PPFIA2: variants seen among roughly 807,000 people sequenced by gnomAD.
PPFIA2 encodes the protein liprin-alpha-2.
A neutral mutation model predicts 175.5 loss-of-function variants in PPFIA2; 46 were observed. The ratio of observed to expected loss-of-function variants is 0.26; its 90% CI spans 0.21 to 0.34. The LOEUF is 0.34. PPFIA2 is among the 10% of genes least tolerant of loss of function. The pLI, the probability that PPFIA2 is intolerant of heterozygous loss-of-function variation, is 1.00. For missense variants in PPFIA2, 1,179 were observed against 1,506.1 expected, an observed-to-expected ratio of 0.78 and a Z score of 3.60; for synonymous variants, 568 against 511.4, an observed-to-expected ratio of 1.11 and a Z score of -1.49.
intron 4 of PPFIA2, among the ~76,000 whole-genome samples, chr12:81,496,867 T>C (rs988799949): frequency 6.6e-6 from 1 of 152,126 alleles, no homozygotes; most frequent in African/African-American, 2.4e-5. Context: ...TAAAAATAAA[T>C]CTGAGAAGTT....
intron 32 of PPFIA2, 97 bp downstream of exon 32, chr12:81,261,852 C>T (rs2035667037): frequency 1.3e-6 from 1 of 770,244 alleles, no homozygotes; most frequent in Non-Finnish European, 2.1e-6. Context: ...TTCTGTACTG[C>T]TAGGGCATAC....
intron 4 of PPFIA2, among the ~76,000 whole-genome samples, chr12:81,495,764 A>C (rs1218046666): frequency 6.6e-6 from 1 of 152,220 alleles, no homozygotes; most frequent in Non-Finnish European, 1.5e-5. Context: ...ACAGTGGGCT[A>C]TAATTGTGCC....
At chr12:81,517,791 C>A (rs1326160462) in intron 4 of PPFIA2, among the ~76,000 whole-genome samples, 6 of 152,140 alleles carry the variant, frequency 3.9e-5, no homozygotes, top group African/African-American at 1.4e-4. Flanking sequence ...CCTGATGCAG[C>A]CTCGACTTTA....
chr12:81,298,354 C>T (rs528241945), intron 23 of PPFIA2: 2 of 152,086 alleles, frequency 1.3e-5, no homozygotes, highest in Admixed American at 6.5e-5. Flanking sequence ...AAATACAAAG[C>T]GTGTTTCTAG....
chr12:81,660,758 A>C (rs1375680061), intron 4 of PPFIA2, among the ~76,000 whole-genome samples: 1 of 152,182 alleles, frequency 6.6e-6, no homozygotes, highest in Non-Finnish European at 1.5e-5. Context: ...GATTCACCAA[A>C]GTTGAAATGA....
intron 4 of PPFIA2, among the ~76,000 whole-genome samples, chr12:81,620,547 G>C (rs899448553): frequency 3.9e-5 from 6 of 152,312 alleles, no homozygotes; most frequent in South Asian, 2.1e-4. Context: ...TCTGGGGCCA[G>C]AGAATGCCTA....
chr12:81,703,943 C>CT (rs1274059382), intron 3 of PPFIA2, among the ~76,000 whole-genome samples: 1 of 152,126 alleles, frequency 6.6e-6, no homozygotes, highest in Non-Finnish European at 1.5e-5. Context: ...CTTGATTTGA[C>CT]TTATTATTCT....
intron 30 of PPFIA2, among the ~76,000 whole-genome samples, chr12:81,264,626 G>A (rs1413110484): frequency 6.6e-6 from 1 of 152,130 alleles, no homozygotes; most frequent in East Asian, 1.9e-4. Context: ...AGGCTTTGTA[G>A]ACTGCTATAT....
intron 4 of PPFIA2, among the ~76,000 whole-genome samples, chr12:81,509,298 AAAG>A (rs759862283): frequency 3.3e-5 from 5 of 152,170 alleles, no homozygotes; most frequent in South Asian, 2.1e-4. Flanking sequence ...ATGGTAAGAG[AAAG>A]AAGGTTTTCC....
At position 81,643,411 on chromosome 12, in the gene PPFIA2, C is replaced by G. The variant is rs145694615; in HGVS notation, c.303+33380G>C. Reference sequence around the variant, plus strand: ...AGTAATTACACAAAGTCCAATAAGTCTACAGCTTCTAGTTCTTTAGACTCT... The same window carrying G: ...AGTAATTACACAAAGTCCAATAAGTGTACAGCTTCTAGTTCTTTAGACTCT... On this transcript the variant is annotated intron_variant, in intron 4 of 32. Coordinates refer to ENST00000549396, the MANE Select transcript of PPFIA2 (RefSeq NM_003625.5). Among the ~76,000 whole-genome samples the G allele has an allele frequency of 4.1e-3, 622 of 152,010 alleles. 3 individuals carry two copies. The highest frequency in any genetic ancestry group is 0.014 in the African/African-American group (583 of 41,514).
chr12:81,624,080 C>T (rs1464976282), intron 4 of PPFIA2, among the ~76,000 whole-genome samples: 1 of 151,840 alleles, frequency 6.6e-6, no homozygotes, highest in Non-Finnish European at 1.5e-5. Context: ...AGGTGCAATG[C>T]AAGGAAGAGG....
intron 4 of PPFIA2, among the ~76,000 whole-genome samples, chr12:81,494,269 A>G (rs2059772444): frequency 6.6e-6 from 1 of 152,090 alleles, no homozygotes; most frequent in Admixed American, 6.6e-5. Flanking sequence ...CAACCCCATC[A>G]AAAAGTGGGC....
At chr12:81,504,489 A>C (rs1241714642) in intron 4 of PPFIA2, among the ~76,000 whole-genome samples, 1 of 152,168 alleles carries the variant, frequency 6.6e-6, no homozygotes, top group African/African-American at 2.4e-5. Context: ...AAAAGTCAGG[A>C]AACAACAGAT....
intron 4 of PPFIA2, among the ~76,000 whole-genome samples, chr12:81,470,603 C>A (rs935413832): frequency 6.6e-6 from 1 of 152,256 alleles, no homozygotes; most frequent in Non-Finnish European, 1.5e-5. Context: ...TATGTCCACA[C>A]AGAATCTTGT....
chr12:81,751,706 A>G (rs1414095573), intron 3 of PPFIA2, among the ~76,000 whole-genome samples: 1 of 152,164 alleles, frequency 6.6e-6, no homozygotes. Flanking sequence ...TTTAAAAATT[A>G]AAACTTAACA....
intron 4 of PPFIA2, chr12:81,472,464 T>A (rs1299568020): frequency 1.3e-5 from 2 of 152,194 alleles, no homozygotes; most frequent in Non-Finnish European, 2.9e-5. Flanking sequence ...ATGGGCACCA[T>A]GGAAGGAATT....
At position 81,353,393 on chromosome 12, in the gene PPFIA2, G is replaced by A. The variant is rs959461563; in HGVS notation, c.1774-54C>T. 9 of 1,313,066 alleles carry A rather than the reference G, an allele frequency of 6.9e-6. No individual in the cohort carries two copies. The African/African-American group carries it at 1.3e-4, about 19-fold the overall frequency. 81.3% of individuals were successfully genotyped at this position (1,313,066 alleles called of 1,614,324 possible). On this transcript the variant is annotated intron_variant, in intron 16 of 32. Transcript: ENST00000549396. ...ATTTATCATATTGCTCATTTTCAAA[G>A]CATTAATCTCAAAGACAGCAACAAC...
intron 14 of PPFIA2, among the ~76,000 whole-genome samples, chr12:81,365,269 T>C (rs759177072): frequency 6.6e-6 from 1 of 151,790 alleles, no homozygotes; most frequent in Non-Finnish European, 1.5e-5. Flanking sequence ...ACAGTTAGTT[T>C]AGTGGAAATT....
intron 4 of PPFIA2, among the ~76,000 whole-genome samples, chr12:81,541,722 G>T (rs1319910337): frequency 1.3e-5 from 2 of 152,074 alleles, no homozygotes; most frequent in Non-Finnish European, 2.9e-5. Flanking sequence ...TTTGTGATCA[G>T]ACTGCTGGAC....
Sources: allele counts gnomAD v4.1 joint callset (sites outside exome capture counted in the v4.1 genomes callset), GRCh38; gene constraint gnomAD v4.1.1; transcripts MANE v1.5; gene names NCBI Gene and HGNC (gene_info 2026-07-23, HGNC 2026-07-21).